AKAP7: variants seen among roughly 807,000 people sequenced by gnomAD.
AKAP7 encodes the protein A-kinase anchoring protein 7.
AKAP7 carries 39 observed loss-of-function variants against 39.5 expected under a neutral mutation model. The observed-to-expected ratio is 0.99, with a 90% CI of 0.76 to 1.29. AKAP7 has a LOEUF of 1.29. AKAP7 is among the 50% of genes most tolerant of loss of function. The pLI, the probability that AKAP7 is intolerant of heterozygous loss-of-function variation, is 0.00. For synonymous variants in AKAP7, 140 were observed against 139.1 expected, an observed-to-expected ratio of 1.01 and a Z score of -0.05; for missense variants, 414 against 407.7, an observed-to-expected ratio of 1.02 and a Z score of -0.13.
intron 1 of AKAP7, chr6:131,137,869 A>C (rs775317548): frequency 2.6e-5 from 4 of 152,238 alleles, no homozygotes; most frequent in Non-Finnish European, 5.9e-5. Context: ...AGTTGTCAGC[A>C]TTTACAAGCA....
At chr6:131,168,599 A>G (rs1285330327) in intron 4 of AKAP7, among the ~76,000 whole-genome samples, 1 of 152,230 alleles carries the variant, frequency 6.6e-6, no homozygotes, top group Non-Finnish European at 1.5e-5. Context: ...TTAAACTTGT[A>G]TTTTATTTGA....
At chr6:131,142,273 G>A (rs768142867) in intron 1 of AKAP7, among the ~76,000 whole-genome samples, 9 of 152,176 alleles carry the variant, frequency 5.9e-5, no homozygotes, top group Non-Finnish European at 8.8e-5. Flanking sequence ...AAATCTCCAG[G>A]GCAGCTTCTC....
At chr6:131,129,544 A>G in the AKAP7 span, among the ~76,000 whole-genome samples, 2 of 152,204 alleles carry the variant, frequency 1.3e-5, no homozygotes, top group East Asian at 3.8e-4. Context: ...AAAATATCAT[A>G]AAACAACATG....
At chr6:131,128,022 T>G in the AKAP7 span, among the ~76,000 whole-genome samples, 1 of 152,074 alleles carries the variant, frequency 6.6e-6, no homozygotes, top group Non-Finnish European at 1.5e-5. Flanking sequence ...CTGGGGACTA[T>G]TTGAGTGTGG....
At chr6:131,135,100 G>A (rs1488934149), upstream of AKAP7, among the ~76,000 whole-genome samples, 1 of 152,126 alleles carries the variant, frequency 6.6e-6, no homozygotes. Flanking sequence ...AGAAGTACAA[G>A]GTCTCGTTCT....
chr6:131,222,758 T>C (rs1053653904), intron 7 of AKAP7, among the ~76,000 whole-genome samples: 1 of 152,218 alleles, frequency 6.6e-6, no homozygotes, highest in African/African-American at 2.4e-5. Context: ...ACTTAATTGA[T>C]AAAACAGTGG....
intron 1 of AKAP7, among the ~76,000 whole-genome samples, chr6:131,136,173 C>G (rs903787715): frequency 6.6e-6 from 1 of 152,158 alleles, no homozygotes; most frequent in Non-Finnish European, 1.5e-5. Flanking sequence ...TATCTTATAT[C>G]ACAAATATTA....
rs190001797 is a variant in AKAP7, at chr6:131,249,068, A to T, written c.850+29260A>T. ...TAAATAGTCTGAAAAAGTGAAAGCA[A>T]TTTAAAGACATGTAATTCTCTAAAC... On this transcript the variant is annotated intron_variant, in intron 7 of 7. Transcript: ENST00000431975. Among the ~76,000 whole-genome samples, 42 of 152,332 alleles carry T rather than the reference A, an allele frequency of 2.8e-4. No individual in the cohort carries two copies. In the East Asian group the frequency reaches 6.9e-3, roughly 25 times the overall value.
chr6:131,219,659 A>T lies in AKAP7; in HGVS notation c.703-2A>T, dbSNP rs1809530422. Reference sequence around the variant, plus strand: ...TTGATTGATTTGTTTTTTCATTTCAAGGGAGTGAAAAAAATAGATCCTGAT... The same window carrying T: ...TTGATTGATTTGTTTTTTCATTTCATGGGAGTGAAAAAAATAGATCCTGAT... On this transcript the variant is annotated splice_acceptor_variant, in intron 6 of 7. Coordinates refer to ENST00000431975, the MANE Select transcript of AKAP7 (RefSeq NM_016377.4). LOFTEE classifies it high-confidence loss of function. 4 of 1,591,586 alleles carry T rather than the reference A, an allele frequency of 2.5e-6. No individual in the cohort carries two copies. The African/African-American group carries it at 4.1e-5, about 16-fold the overall frequency.
intron 2 of AKAP7, among the ~76,000 whole-genome samples, chr6:131,151,165 C>T (rs151158480): frequency 0.016 from 2,377 of 151,904 alleles, 78 homozygotes; most frequent in African/African-American, 0.055. Context: ...GCCTCAGCCT[C>T]CCGAGTAGCT....
In AKAP7 at chr6:131,169,183, C is replaced by T. The variant is rs1803792551; in HGVS notation, c.499C>T (p.Pro167Ser). The stretch of plus-strand genomic sequence containing the variant: ...CCTCCAGGGAAAACATTTGACTTTG[C>T]CCTTTCAAGGGATTGGTACTTTTGG... Reference protein sequence around the residue: ...ELLQGKHLTLPFQGIGTFGNQ... With the variant: ...ELLQGKHLTLSFQGIGTFGNQ... Residue 167 changes from proline to serine, a missense_variant, in exon 5 of 8, where the codon CCC becomes TCC. Physicochemically the swap from Pro to Ser is moderately conservative, Grantham distance 74. Transcript: ENST00000431975. 1 of 1,614,004 alleles carries T rather than the reference C, an allele frequency of 6.2e-7. No homozygotes were observed. Among genetic ancestry groups the T allele is most frequent in the African/African-American group, 1.3e-5 (1 of 75,030 alleles).
chr6:131,224,505 A>T (rs1809978218), intron 7 of AKAP7, among the ~76,000 whole-genome samples: 1 of 152,126 alleles, frequency 6.6e-6, no homozygotes, highest in Non-Finnish European at 1.5e-5. Context: ...GATATTGTTC[A>T]TAAAACTTTG....
At chr6:131,277,864 G>A (rs1207995577) in intron 7 of AKAP7, among the ~76,000 whole-genome samples, 2 of 152,040 alleles carry the variant, frequency 1.3e-5, no homozygotes, top group East Asian at 3.9e-4. Context: ...TTGGTTGGTT[G>A]GTTAGTTAGT....
intron 7 of AKAP7, among the ~76,000 whole-genome samples, chr6:131,242,592 TA>T (rs1811710533): frequency 6.6e-6 from 1 of 151,906 alleles, no homozygotes; most frequent in African/African-American, 2.4e-5. Context: ...TATTAAAAGG[TA>T]AACACAGAAC....
chr6:131,188,004 A>C (rs1486667992), intron 5 of AKAP7, among the ~76,000 whole-genome samples: 1 of 152,210 alleles, frequency 6.6e-6, no homozygotes, highest in Non-Finnish European at 1.5e-5. Context: ...TAATGGGAGA[A>C]CTGGGTTGGA....
intron 5 of AKAP7, among the ~76,000 whole-genome samples, chr6:131,194,649 C>T (rs1806743324): frequency 6.6e-6 from 1 of 151,996 alleles, no homozygotes; most frequent in Non-Finnish European, 1.5e-5. Flanking sequence ...AGGAAGTATG[C>T]AGCTATTATT....
rs1391221181 is a variant in AKAP7, at chr6:131,135,605, C to G, written c.-159C>G. 1.7e-5 allele frequency: 10 copies of G among 575,552 alleles called. No individual in the cohort carries two copies. The highest frequency in any genetic ancestry group is 2.2e-5 in the Non-Finnish European group (10 of 454,052). 35.7% of individuals were successfully genotyped at this position (575,552 alleles called of 1,614,324 possible). On this transcript the variant is annotated 5_prime_UTR_variant, in exon 1 of 8. Coordinates refer to ENST00000431975, the MANE Select transcript of AKAP7 (RefSeq NM_016377.4). Reference sequence around the variant, plus strand: ...AGGCCTGGCCTCCGCCGCCCGGGCCCCCGCAGCCTGTCGCTGGACCCCGCG... The same window carrying G: ...AGGCCTGGCCTCCGCCGCCCGGGCCGCCGCAGCCTGTCGCTGGACCCCGCG...
chr6:131,142,147 GA>G lies in AKAP7; in HGVS notation c.20-3137del, dbSNP rs549193051. On this transcript the variant is annotated intron_variant, in intron 1 of 7. Transcript: ENST00000431975. ...GTAAAGAAGCAAAAAGCATTTTCAG[GA>G]GAGGAATTGAAGTGGGCTGTGAAGG... Among the ~76,000 whole-genome samples, 266 of 152,286 alleles carry G rather than the reference GA, an allele frequency of 1.7e-3. 1 individual carries two copies. Among genetic ancestry groups the G allele is most frequent in the African/African-American group, 5.9e-3 (246 of 41,558 alleles).
chr6:131,174,342 A>G (rs1223884808), intron 5 of AKAP7, among the ~76,000 whole-genome samples: 1 of 152,264 alleles, frequency 6.6e-6, no homozygotes, highest in Non-Finnish European at 1.5e-5. Context: ...TGAAGTTTAG[A>G]TATAGCCTCT....
Sources: gnomAD v4.1 joint callset for allele counts (sites outside exome capture counted in the v4.1 genomes callset) on GRCh38, gnomAD v4.1.1 for gene constraint, MANE v1.5 for transcripts, NCBI Gene and HGNC (gene_info 2026-07-23, HGNC 2026-07-21) for gene names.